The following AFG1L variants were observed in gnomAD, a reference collection of about 807,000 sequenced individuals.
AFG1L encodes the protein AFG1 like ATPase.
A neutral mutation model predicts 62.2 loss-of-function variants in AFG1L; 53 were observed. That is an observed-to-expected ratio of 0.85 (90% CI 0.68 to 1.07). The LOEUF is 1.07. AFG1L is among the 50% of genes least tolerant of loss of function. AFG1L has a pLI of 0.00. For synonymous variants in AFG1L, 228 were observed against 210.3 expected (o/e 1.08, Z -0.73); for missense variants, 555 against 590.5 (o/e 0.94, Z 0.62).
At chr6:108,338,034 AAATTAGCTGGGCAT>A (rs1202407320) in intron 2 of AFG1L, among the ~76,000 whole-genome samples, 1 of 152,066 alleles carries the variant, frequency 6.6e-6, no homozygotes, top group Non-Finnish European at 1.5e-5. Flanking sequence ...AAAAATGTAA[AAATTAGCTGGGCAT>A]GGTGGTGGGC....
intron 5 of AFG1L, among the ~76,000 whole-genome samples, chr6:108,365,129 G>C (rs1364955403): frequency 2.6e-5 from 4 of 152,078 alleles, no homozygotes; most frequent in Non-Finnish European, 1.5e-5. Context: ...GTTGTACTGA[G>C]ATTATTTGAA....
intron 1 of AFG1L, among the ~76,000 whole-genome samples, chr6:108,314,428 G>T (rs368991015): frequency 3.5e-5 from 5 of 144,036 alleles, no homozygotes; most frequent in African/African-American, 1.3e-4. Context: ...ATAGAGTCTC[G>T]CTCTGTCGCC....
intron 8 of AFG1L, among the ~76,000 whole-genome samples, chr6:108,452,070 T>C (rs1772079601): frequency 2.0e-5 from 3 of 152,162 alleles, no homozygotes; most frequent in Admixed American, 1.3e-4. Flanking sequence ...GTCCCCATGC[T>C]GAAGTCCAAA....
At chr6:108,494,184 C>G (rs1032428553) in intron 10 of AFG1L, among the ~76,000 whole-genome samples, 1 of 151,936 alleles carries the variant, frequency 6.6e-6, no homozygotes, top group Non-Finnish European at 1.5e-5. Flanking sequence ...TCCCCCTGCT[C>G]CCCTGCCCCA....
At chr6:108,368,681 T>C (rs1332751350) in intron 6 of AFG1L, among the ~76,000 whole-genome samples, 1 of 152,202 alleles carries the variant, frequency 6.6e-6, no homozygotes, top group Non-Finnish European at 1.5e-5. Context: ...CCTTTAGACA[T>C]TCAGTGACAA....
At position 108,422,477 on chromosome 6, in the gene AFG1L, C is replaced by CAAAAAAAAAAAAAAAAAAAAAAAAAAA. The variant is rs539232525; in HGVS notation, c.807+20445_807+20446insAAAAAAAAAAAAAAAAAAAAAAAAAAA. On this transcript the variant is annotated intron_variant, in intron 7 of 12. Coordinates refer to ENST00000368977, the MANE Select transcript of AFG1L (RefSeq NM_145315.5). ...ATATTTTTTTAAAATTAGTCCTCAG[C>CAAAAAAAAAAAAAAAAAAAAAAAAAAA]AAAAAAAAAAAAAAAAAAAAAAGAA... 3.7e-3 allele frequency among the ~76,000 whole-genome samples: 169 copies of CAAAAAAAAAAAAAAAAAAAAAAAAAAA among 45,788 alleles called. 40 individuals are homozygous for CAAAAAAAAAAAAAAAAAAAAAAAAAAA. Among genetic ancestry groups the CAAAAAAAAAAAAAAAAAAAAAAAAAAA allele is most frequent in the African/African-American group, 9.4e-3 (90 of 9,602 alleles). The allele number at this position is 45,788 out of a possible 152,430, so 30.0% of individuals were successfully genotyped here. A position where few individuals can be genotyped will look rare whatever the true frequency, so the allele number is the denominator to read the frequency against.
At chr6:108,500,171 CGTGTGTGTGTGTGTGT>C (rs61654685) in intron 10 of AFG1L, among the ~76,000 whole-genome samples, 1 of 135,070 alleles carries the variant, frequency 7.4e-6, no homozygotes, top group Admixed American at 7.5e-5. Context: ...ATGGTGCGTG[CGTGTGTGTGTGTGTGT>C]GTGTGTGTGT....
At chr6:108,395,403 C>CTTTTTTTTT (rs71551344) in intron 6 of AFG1L, among the ~76,000 whole-genome samples, 2 of 122,940 alleles carry the variant, frequency 1.6e-5, no homozygotes, top group South Asian at 2.6e-4. Context: ...CTTTTCTTTT[C>CTTTTTTTTT]TTTTTTTTTT....
chr6:108,334,264 C>G (rs2114358609), intron 2 of AFG1L, among the ~76,000 whole-genome samples: 1 of 152,276 alleles, frequency 6.6e-6, no homozygotes, highest in African/African-American at 2.4e-5. Context: ...ATCAGCCTCC[C>G]AAAGTGCTGG....
At chr6:108,356,540 A>G in intron 4 of AFG1L, 150 bp from the exon 5 acceptor site, 2 of 521,454 alleles carry the variant, frequency 3.8e-6, no homozygotes, top group Non-Finnish European at 6.5e-6. Context: ...GAAAATGCAA[A>G]CAATTTCAAT....
At chr6:108,362,410 T>C (rs183709846) in intron 5 of AFG1L, among the ~76,000 whole-genome samples, 25 of 152,310 alleles carry the variant, frequency 1.6e-4, no homozygotes, top group South Asian at 4.1e-4. Flanking sequence ...TTACTGTTTA[T>C]TGAGTGTTTT....
At chr6:108,514,614 A>G (rs1429338010) in intron 11 of AFG1L, among the ~76,000 whole-genome samples, 2 of 152,376 alleles carry the variant, frequency 1.3e-5, no homozygotes, top group Non-Finnish European at 1.5e-5. Flanking sequence ...ACCAGCTAAC[A>G]TCATAATGAC....
intron 2 of AFG1L, among the ~76,000 whole-genome samples, chr6:108,336,753 A>G (rs575958263): frequency 1.6e-4 from 24 of 152,356 alleles, no homozygotes; most frequent in African/African-American, 2.2e-4. Context: ...AAAAATTTCA[A>G]TGATATACTT....
chr6:108,385,745 T>C (rs1301177230), intron 6 of AFG1L, among the ~76,000 whole-genome samples: 2 of 152,152 alleles, frequency 1.3e-5, no homozygotes, highest in Non-Finnish European at 2.9e-5. Context: ...TTAGAAACTT[T>C]GGAGCTCAGA....
intron 12 of AFG1L, chr6:108,520,453 CTT>C (rs1465131198): frequency 6.6e-6 from 1 of 152,198 alleles, no homozygotes; most frequent in Non-Finnish European, 1.5e-5. Flanking sequence ...CTAGAAGTGA[CTT>C]TGCGTTTTCT....
At chr6:108,337,581 A>G (rs2114373915) in intron 2 of AFG1L, among the ~76,000 whole-genome samples, 1 of 152,318 alleles carries the variant, frequency 6.6e-6, no homozygotes, top group South Asian at 2.1e-4. Context: ...TAATTTTATT[A>G]ATGAGACACA....
intron 3 of AFG1L, among the ~76,000 whole-genome samples, chr6:108,351,387 T>C (rs1372578062): frequency 6.6e-6 from 1 of 152,238 alleles, no homozygotes; most frequent in East Asian, 1.9e-4. Context: ...TTACTGTTTA[T>C]AGAAATGCGG....
At chr6:108,304,202 A>G (rs904946540) in intron 1 of AFG1L, among the ~76,000 whole-genome samples, 7 of 152,210 alleles carry the variant, frequency 4.6e-5, no homozygotes, top group Admixed American at 6.5e-5. Flanking sequence ...GCATTCCTTG[A>G]TGATGGCTTA....
intron 2 of AFG1L, among the ~76,000 whole-genome samples, chr6:108,327,643 C>T (rs1253647147): frequency 6.6e-6 from 1 of 152,182 alleles, no homozygotes; most frequent in African/African-American, 2.4e-5. Flanking sequence ...GTCCTACCTC[C>T]TAAGAGCCTC....
Sources: allele counts gnomAD v4.1 joint callset (sites outside exome capture counted in the v4.1 genomes callset), GRCh38; gene constraint gnomAD v4.1.1; transcripts MANE v1.5; gene names NCBI Gene and HGNC (gene_info 2026-07-23, HGNC 2026-07-21).